The following RBFOX1 variants were observed in gnomAD, a reference collection of about 807,000 sequenced individuals.
RBFOX1 encodes the protein RNA binding protein fox-1 homolog 1.
Under a neutral mutation model 57.7 loss-of-function variants are expected in RBFOX1, and 8 were observed. The observed-to-expected ratio is 0.14, with a 90% confidence interval of 0.08 to 0.25. The LOEUF is 0.25. RBFOX1 is among the 10% of genes least tolerant of loss of function. The pLI, the probability that RBFOX1 is intolerant of heterozygous loss-of-function variation, is 1.00. For missense variants in RBFOX1, 611 were observed against 548.5 expected, an observed-to-expected ratio of 1.11 and a Z score of -1.14; for synonymous variants, 326 against 222.4, an observed-to-expected ratio of 1.47 and a Z score of -4.15.
At chr16:7,423,395 T>TAA (rs2098564947) in intron 4 of RBFOX1, among the ~76,000 whole-genome samples, 1 of 151,984 alleles carries the variant, frequency 6.6e-6, no homozygotes, top group Non-Finnish European at 1.5e-5. Flanking sequence ...TAATGACTGG[T>TAA]AATTGCAAGC....
At chr16:6,513,968 A>G (rs1299248946) in intron 2 of RBFOX1, among the ~76,000 whole-genome samples, 1 of 152,162 alleles carries the variant, frequency 6.6e-6, no homozygotes, top group African/African-American at 2.4e-5. Context: ...ATAAAGATGG[A>G]GGAGGCTCAA....
At position 6,472,311 on chromosome 16, in the gene RBFOX1, T is replaced by C. The variant is rs1040074324; in HGVS notation, c.-64+155254T>C. 2.8e-4 allele frequency among the ~76,000 whole-genome samples: 43 copies of C among 152,178 alleles called. 1 individual carries two copies. The highest frequency in any genetic ancestry group is 1.5e-5 in the Non-Finnish European group (1 of 68,036). ...GGAGAAATGATTGGTATCTCTATGG[T>C]ACACGTGGTGGAGATGCTGGCTGCA... is the stretch of plus-strand genomic sequence containing the variant. On this transcript the variant is annotated intron_variant, in intron 2 of 15. Coordinates refer to ENST00000550418, the MANE Select transcript of RBFOX1 (RefSeq NM_018723.4).
chr16:7,311,584 A>G lies in RBFOX1; in HGVS notation c.28-206563A>G, dbSNP rs77776473. On this transcript the variant is annotated intron_variant, in intron 4 of 15. Transcript: ENST00000550418. ...CAAACATCCCCGGTTTTTCCCTTCC[A>G]TAGATCAGCTTCCTCTTGCTCTGCC... 1.2e-4 allele frequency among the ~76,000 whole-genome samples: 17 copies of G among 147,450 alleles called. No homozygotes were observed. The East Asian group carries it at 3.0e-3, about 26-fold the overall frequency.
chr16:6,149,370 T>C (rs1396357231), intron 1 of RBFOX1, among the ~76,000 whole-genome samples: 1 of 152,230 alleles, frequency 6.6e-6, no homozygotes, highest in Non-Finnish European at 1.5e-5. Flanking sequence ...ATGAGGAACA[T>C]TGAAGTTTTG....
chr16:5,579,590 C>G (rs542086633), intron 2 of RBFOX1, among the ~76,000 whole-genome samples: 1 of 152,156 alleles, frequency 6.6e-6, no homozygotes, highest in Non-Finnish European at 1.5e-5. Flanking sequence ...GCTCAAACCA[C>G]GCCCTGGTGA....
intron 10 of RBFOX1, among the ~76,000 whole-genome samples, chr16:7,621,424 C>G (rs2059305046): frequency 6.6e-6 from 1 of 152,018 alleles, no homozygotes; most frequent in Non-Finnish European, 1.5e-5. Context: ...CCACGCCTGG[C>G]TAATTATTGT....
At chr16:6,802,294 T>C (rs1219926999) in intron 3 of RBFOX1, among the ~76,000 whole-genome samples, 1 of 152,182 alleles carries the variant, frequency 6.6e-6, no homozygotes, top group East Asian at 1.9e-4. Context: ...TGAGACCTGA[T>C]TTGCCACACA....
intron 2 of RBFOX1, among the ~76,000 whole-genome samples, chr16:6,448,717 A>G (rs1056496470): frequency 6.6e-6 from 1 of 152,182 alleles, no homozygotes. Flanking sequence ...CATCAACTGA[A>G]AAAATGTTAA....
At chr16:5,499,109 C>T (rs184716396) in intron 2 of RBFOX1, among the ~76,000 whole-genome samples, 176 of 152,322 alleles carry the variant, frequency 1.2e-3, no homozygotes, top group Middle Eastern at 0.01. Context: ...TTTTCCATTT[C>T]TCCATTTCCC....
At chr16:5,842,145 A>T (rs566099766) in intron 3 of RBFOX1, among the ~76,000 whole-genome samples, 58 of 152,282 alleles carry the variant, frequency 3.8e-4, no homozygotes, top group African/African-American at 1.2e-3. Context: ...GAACCGCTGA[A>T]ATCAAGTTTA....
chr16:6,874,884 T>A (rs554978491), intron 3 of RBFOX1, among the ~76,000 whole-genome samples: 1 of 152,294 alleles, frequency 6.6e-6, no homozygotes, highest in East Asian at 1.9e-4. Flanking sequence ...TAAGGAACAT[T>A]ACCTGTTCCC....
intron 1 of RBFOX1, among the ~76,000 whole-genome samples, chr16:5,334,567 A>G (rs1045894304): frequency 1.3e-5 from 2 of 152,114 alleles, no homozygotes; most frequent in Admixed American, 6.5e-5. Flanking sequence ...AGGAGAAGAA[A>G]AGAGGAGGAG....
At chr16:5,562,489 CAGG>C (rs1184638955) in intron 2 of RBFOX1, among the ~76,000 whole-genome samples, 2 of 146,372 alleles carry the variant, frequency 1.4e-5, no homozygotes, top group African/African-American at 5.0e-5. Flanking sequence ...TCTCCAGGGC[CAGG>C]AGGAGAAGAA....
intron 3 of RBFOX1, among the ~76,000 whole-genome samples, chr16:7,040,577 G>T (rs1373518009): frequency 6.6e-6 from 1 of 151,934 alleles, no homozygotes; most frequent in Admixed American, 6.6e-5. Flanking sequence ...CTCCACTATT[G>T]GTCTGGTTCC....
chr16:7,415,275 G>A (rs2098467385), intron 4 of RBFOX1, among the ~76,000 whole-genome samples: 1 of 152,148 alleles, frequency 6.6e-6, no homozygotes. Flanking sequence ...TGCATCCAAT[G>A]ACAGGTACCA....
intron 3 of RBFOX1, among the ~76,000 whole-genome samples, chr16:6,815,654 C>T (rs7498696): frequency 0.49 from 74,224 of 151,874 alleles, 18,371 homozygotes; most frequent in Non-Finnish European, 0.51. Context: ...TACCTACTTA[C>T]GCCTTACCAG....
chr16:7,416,344 C>G (rs764737039), intron 4 of RBFOX1, among the ~76,000 whole-genome samples: 12 of 152,140 alleles, frequency 7.9e-5, no homozygotes, highest in Admixed American at 1.3e-4. Flanking sequence ...TGATCCATGC[C>G]CAACTAATTT....
At chr16:7,259,535 A>G (rs1369016435) in intron 4 of RBFOX1, among the ~76,000 whole-genome samples, 2 of 152,064 alleles carry the variant, frequency 1.3e-5, no homozygotes, top group Non-Finnish European at 2.9e-5. Context: ...TGAGAGAAAC[A>G]GGAGATAGTC....
intron 4 of RBFOX1, among the ~76,000 whole-genome samples, chr16:7,163,077 A>G (rs1407747001): frequency 1.3e-5 from 2 of 152,218 alleles, no homozygotes; most frequent in African/African-American, 4.8e-5. Flanking sequence ...TTATCTGCCA[A>G]GCACAGTAGG....
Sources: gnomAD v4.1 joint callset for allele counts (sites outside exome capture counted in the v4.1 genomes callset) on GRCh38, gnomAD v4.1.1 for gene constraint, MANE v1.5 for transcripts, NCBI Gene and HGNC (gene_info 2026-07-23, HGNC 2026-07-21) for gene names.